The following PUS10 variants were observed in gnomAD, a reference collection of about 807,000 sequenced individuals.
PUS10 encodes pseudouridine synthase 10, also known as tRNA pseudouridine synthase Pus10.
In PUS10, 59 loss-of-function variants were observed where a neutral mutation model predicts 75.0. The observed-to-expected ratio is 0.79, with a 90% confidence interval of 0.64 to 0.98. PUS10 has a LOEUF of 0.98. Ranked by LOEUF, PUS10 falls within the 50% of genes least tolerant of loss-of-function variation. PUS10 has a pLI of 0.00. For synonymous variants in PUS10, 219 were observed against 211.6 expected (o/e 1.03, Z -0.30); for missense variants, 650 against 614.4 (o/e 1.06, Z -0.61).
chr2:61,001,246 T>C, intron 4 of PUS10, among the ~76,000 whole-genome samples: 1 of 152,126 alleles, frequency 6.6e-6, no homozygotes, highest in African/African-American at 2.4e-5. Context: ...GTAGCTTTAG[T>C]TTTCTGGTTG....
In PUS10 at chr2:61,008,878, C is replaced by G; in HGVS notation, c.264G>C (p.Glu88Asp). Reference sequence around the variant, plus strand: ...CAACATGACTAACAGAGATCCTTCCCTCTCCATTTTGACTTAGATTATCAA... The same window carrying G: ...CAACATGACTAACAGAGATCCTTCCGTCTCCATTTTGACTTAGATTATCAA... Reference protein sequence around the residue: ...DSIDNLSQNGEGRISVSHVGS... With the variant: ...DSIDNLSQNGDGRISVSHVGS... The change falls in exon 3 of 18, where the codon GAG becomes GAC. Residue 88 changes from glutamate (E) to aspartate (D), a missense_variant. Transcript: ENST00000316752. The G allele has an allele frequency of 6.2e-7, 1 of 1,613,926 alleles. No homozygotes were observed. Among genetic ancestry groups the G allele is most frequent in the South Asian group, 1.1e-5 (1 of 91,054 alleles).
intron 4 of PUS10, among the ~76,000 whole-genome samples, chr2:60,979,724 T>C (rs1039373190): frequency 6.6e-6 from 1 of 152,144 alleles, no homozygotes; most frequent in Non-Finnish European, 1.5e-5. Flanking sequence ...AAAAAGAAAA[T>C]GAAGTGAGAC....
chr2:60,970,458 T>A (rs1676587259), intron 5 of PUS10, among the ~76,000 whole-genome samples: 1 of 152,208 alleles, frequency 6.6e-6, no homozygotes, highest in South Asian at 2.1e-4. Context: ...TGGCCCTTTT[T>A]TTTACTGGTA....
chr2:60,945,370 G>A (rs996833606), intron 16 of PUS10, among the ~76,000 whole-genome samples: 1 of 152,178 alleles, frequency 6.6e-6, no homozygotes, highest in Non-Finnish European at 1.5e-5. Context: ...TCATCTCCAA[G>A]TGCCAAGGTT....
Position 60,948,121 on chromosome 2 carries a change from G to C in PUS10, c.1373C>G (p.Ala458Gly), listed in dbSNP as rs751802454. The C allele has an allele frequency of 2.5e-6, 4 of 1,614,152 alleles. No individual in the cohort carries two copies. Among genetic ancestry groups the C allele is most frequent in the Non-Finnish European group, 3.4e-6 (4 of 1,180,016 alleles). ...VLHRRPLAVR[A>G]RVIHFMETQY... The stretch of plus-strand genomic sequence containing the variant: ...TGTCTCCATGAAGTGAATGACGCGA[G>C]CTCGCACAGCCAGGGGCCTTCGGTG... The change falls in exon 16 of 18, where the codon GCT (alanine) becomes GGT (glycine). Residue 458 changes from alanine to glycine, a missense_variant. Transcript: ENST00000316752.
chr2:60,965,451 G>A lies in PUS10; in HGVS notation c.649C>T (p.Pro217Ser). The stretch of plus-strand genomic sequence containing the variant: ...AAGTGGCAATCCTCAACTGTTTCTG[G>A]GTGAGCAAAGACCACACTCACTTCA... ...LFEVSVVFAH[P>S]ETVEDCHFLA... Residue 217 changes from proline (P) to serine (S), a missense_variant, in exon 7 of 18, where the codon CCA becomes TCA. Coordinates refer to ENST00000316752, the MANE Select transcript of PUS10 (RefSeq NM_144709.4). 6.2e-7 allele frequency: 1 copy of A among 1,610,900 alleles called. No homozygotes were observed. The highest frequency in any genetic ancestry group is 8.5e-7 in the Non-Finnish European group (1 of 1,178,936).
chr2:60,942,194 T>G lies in PUS10; in HGVS notation c.*201A>C, dbSNP rs1438967735. ...AGGGAATGAGAAAAATCCTAAGACA[T>G]CCTTGGAACAATTTAACACAAAATA... On this transcript the variant is annotated 3_prime_UTR_variant, in exon 18 of 18. Transcript: ENST00000316752. The G allele has an allele frequency of 6.0e-6, 3 of 499,142 alleles. No homozygotes were observed. The highest frequency in any genetic ancestry group is 1.1e-5 in the Non-Finnish European group (3 of 273,262). The allele number at this position is 499,142 out of a possible 1,614,324, so 30.9% of individuals were successfully genotyped here. A position where few individuals can be genotyped will look rare whatever the true frequency, so the allele number is the denominator to read the frequency against.
Position 60,944,878 on chromosome 2 carries a change from T to C in PUS10, c.1551+131A>G, listed in dbSNP as rs1256288258. ...AAGACAGTCCCTCCCTTCAATACAA[T>C]GTTACTGTGAGATTTTCACCATTCT... is the stretch of plus-strand genomic sequence containing the variant. On this transcript the variant is annotated intron_variant, in intron 17 of 17. Transcript: ENST00000316752. The C allele has an allele frequency of 6.1e-6, 4 of 659,796 alleles. No homozygotes were observed. In the Admixed American group the frequency reaches 1.0e-4, roughly 17 times the overall value. 40.9% of individuals were successfully genotyped at this position (659,796 alleles called of 1,614,324 possible).
chr2:60,950,868 G>A (rs1675293957), intron 15 of PUS10, among the ~76,000 whole-genome samples: 1 of 152,170 alleles, frequency 6.6e-6, no homozygotes. Flanking sequence ...ATGCACTGGA[G>A]TTTTATTTCT....
chr2:60,971,094 C>T (rs957289755), intron 5 of PUS10, among the ~76,000 whole-genome samples: 5 of 151,666 alleles, frequency 3.3e-5, no homozygotes, highest in Non-Finnish European at 7.4e-5. Context: ...GCAGGAGAAT[C>T]GCTTGAACCA....
At chr2:61,012,855 AAAAAAAAAAAAAATATAT>A (rs1679700607) in intron 1 of PUS10, among the ~76,000 whole-genome samples, 1 of 99,584 alleles carries the variant, frequency 1.0e-5, no homozygotes, top group East Asian at 2.3e-4. Context: ...AAAAAAAAAA[AAAAAAAAAAAAAATATAT>A]ATATATATAT....
chr2:60,990,833 C>A (rs181393224), intron 4 of PUS10, among the ~76,000 whole-genome samples: 1 of 152,242 alleles, frequency 6.6e-6, no homozygotes, highest in East Asian at 1.9e-4. Flanking sequence ...GCAGCCTCCA[C>A]GTCTGGGTTC....
chr2:60,972,338 C>T (rs1194586385), intron 4 of PUS10, among the ~76,000 whole-genome samples: 1 of 151,536 alleles, frequency 6.6e-6, no homozygotes, highest in Non-Finnish European at 1.5e-5. Flanking sequence ...GGCGTGGAGG[C>T]GGGCGCCCGT....
chr2:60,995,982 A>G (rs1678434889), intron 4 of PUS10, among the ~76,000 whole-genome samples: 1 of 152,226 alleles, frequency 6.6e-6, no homozygotes, highest in Non-Finnish European at 1.5e-5. Context: ...GCAATGCCAT[A>G]AAGAGATGCA....
chr2:60,960,036 A>G (rs1036720858), intron 11 of PUS10, among the ~76,000 whole-genome samples: 3 of 151,368 alleles, frequency 2.0e-5, no homozygotes, highest in Non-Finnish European at 4.4e-5. Context: ...TTAAAAAATA[A>G]CCGAGCATGG....
At chr2:61,000,565 A>G (rs1678787549) in intron 4 of PUS10, among the ~76,000 whole-genome samples, 1 of 152,148 alleles carries the variant, frequency 6.6e-6, no homozygotes, top group Non-Finnish European at 1.5e-5. Context: ...TCAGAAGAAC[A>G]TCTGCATTCC....
At chr2:60,956,253 G>A (rs1046308443) in intron 11 of PUS10, among the ~76,000 whole-genome samples, 4 of 152,140 alleles carry the variant, frequency 2.6e-5, no homozygotes, top group Non-Finnish European at 5.9e-5. Context: ...AGCAATATCG[G>A]TATCTTCTAA....
At chr2:60,963,680 C>T (rs191014523) in intron 8 of PUS10, among the ~76,000 whole-genome samples, 6 of 152,234 alleles carry the variant, frequency 3.9e-5, no homozygotes, top group Admixed American at 3.9e-4. Flanking sequence ...AACACTATGG[C>T]ATTCTATAAG....
chr2:61,005,817 T>C (rs1679172818), intron 4 of PUS10, among the ~76,000 whole-genome samples: 1 of 152,256 alleles, frequency 6.6e-6, no homozygotes, highest in East Asian at 1.9e-4. Context: ...TCAGCTTATT[T>C]GGAGCTAATA....
Sources: allele counts gnomAD v4.1 joint callset (sites outside exome capture counted in the v4.1 genomes callset), GRCh38; gene constraint gnomAD v4.1.1; transcripts MANE v1.5; gene names NCBI Gene and HGNC (gene_info 2026-07-23, HGNC 2026-07-21).